RBKS: variants seen among roughly 807,000 people sequenced by gnomAD.
The protein encoded by RBKS is ribokinase.
Under a neutral mutation model 33.9 loss-of-function variants are expected in RBKS, and 33 were observed. That is an observed-to-expected ratio of 0.97 (90% CI 0.74 to 1.30). The LOEUF (loss-of-function observed/expected upper bound fraction) is 1.30, where lower values mean the gene tolerates loss of function less well. Ranked by LOEUF, RBKS falls within the 50% of genes most tolerant of loss-of-function variation. The pLI is 0.00. For synonymous variants in RBKS, 125 were observed against 143.0 expected (o/e 0.87, Z 0.90); for missense variants, 361 against 392.6 (o/e 0.92, Z 0.68).
At chr2:27,851,114 G>A (rs1663737353) in intron 2 of RBKS, among the ~76,000 whole-genome samples, 1 of 152,174 alleles carries the variant, frequency 6.6e-6, no homozygotes, top group Admixed American at 6.5e-5. Context: ...AATGGACTAT[G>A]TCTCAATCCA....
chr2:27,799,597 A>C (rs1677733614), intron 7 of RBKS, among the ~76,000 whole-genome samples: 1 of 152,268 alleles, frequency 6.6e-6, no homozygotes, highest in Non-Finnish European at 1.5e-5. Context: ...ATCATAAGTC[A>C]ATGCATTATT....
chr2:27,868,509 A>G (rs1009659685), intron 1 of RBKS, among the ~76,000 whole-genome samples: 6 of 152,208 alleles, frequency 3.9e-5, no homozygotes, highest in Non-Finnish European at 7.3e-5. Context: ...GTATTCTTTC[A>G]ATTTTGACTA....
chr2:27,784,275 G>A (rs377386738), intron 7 of RBKS, among the ~76,000 whole-genome samples: 4 of 150,712 alleles, frequency 2.7e-5, no homozygotes, highest in Non-Finnish European at 5.9e-5. Context: ...GAGCCACCGC[G>A]CCCGGCCTCT....
chr2:27,886,655 C>T (rs1317860531), intron 1 of RBKS, among the ~76,000 whole-genome samples: 2 of 152,028 alleles, frequency 1.3e-5, no homozygotes, highest in Non-Finnish European at 2.9e-5. Flanking sequence ...AGGAGGATCG[C>T]TTGAGCCCAG....
chr2:27,815,233 G>A (rs945705254), intron 7 of RBKS, among the ~76,000 whole-genome samples: 1 of 151,808 alleles, frequency 6.6e-6, no homozygotes, highest in Non-Finnish European at 1.5e-5. Context: ...TTTGAGACAG[G>A]GTCTCACTCT....
intron 7 of RBKS, among the ~76,000 whole-genome samples, chr2:27,824,063 A>G (rs1049806213): frequency 6.6e-6 from 1 of 152,126 alleles, no homozygotes; most frequent in Non-Finnish European, 1.5e-5. Flanking sequence ...TCCAGCAACC[A>G]TCAGTTGACT....
chr2:27,847,358 TC>T (rs552552297), intron 3 of RBKS, among the ~76,000 whole-genome samples: 2 of 152,252 alleles, frequency 1.3e-5, no homozygotes, highest in East Asian at 1.9e-4. Context: ...TACTTTCGAT[TC>T]CCCCCAATTA....
At chr2:27,884,441 TTTGCCATGTTGCCCAGGC>T (rs1365086517) in intron 1 of RBKS, among the ~76,000 whole-genome samples, 1 of 152,036 alleles carries the variant, frequency 6.6e-6, no homozygotes, top group East Asian at 1.9e-4. Flanking sequence ...GAGACCGGGT[TTTGCCATGTTGCCCAGGC>T]TAGTCTTAAC....
At chr2:27,833,745 C>T (rs1053060452) in intron 5 of RBKS, among the ~76,000 whole-genome samples, 1 of 152,122 alleles carries the variant, frequency 6.6e-6, no homozygotes, top group Non-Finnish European at 1.5e-5. Context: ...TTTGGGACTT[C>T]GTAAATGTAG....
chr2:27,864,992 A>C (rs921456263), intron 1 of RBKS, among the ~76,000 whole-genome samples: 6 of 152,208 alleles, frequency 3.9e-5, no homozygotes, highest in Admixed American at 2.6e-4. Flanking sequence ...GAATCTCTCC[A>C]CAGGTCTTTA....
intron 1 of RBKS, among the ~76,000 whole-genome samples, chr2:27,878,809 T>C (rs984537567): frequency 4.6e-5 from 7 of 152,172 alleles, no homozygotes; most frequent in Non-Finnish European, 8.8e-5. Flanking sequence ...TCATGTGTCT[T>C]TTGGCTGCAT....
chr2:27,793,139 AAAAT>A (rs1677569801), intron 7 of RBKS, among the ~76,000 whole-genome samples: 1 of 152,232 alleles, frequency 6.6e-6, no homozygotes, highest in Admixed American at 6.5e-5. Flanking sequence ...ATACTGATAT[AAAAT>A]AAATAAATAT....
intron 1 of RBKS, among the ~76,000 whole-genome samples, chr2:27,873,099 T>C (rs372189593): frequency 9.2e-5 from 14 of 152,216 alleles, no homozygotes; most frequent in East Asian, 5.8e-4. Context: ...GAACCTTCCC[T>C]GGTTCCTGCT....
At chr2:27,823,591 C>T (rs1335149070) in intron 7 of RBKS, among the ~76,000 whole-genome samples, 1 of 152,142 alleles carries the variant, frequency 6.6e-6, no homozygotes, top group African/African-American at 2.4e-5. Context: ...TCACTCGCCA[C>T]GTGAATTACC....
intron 3 of RBKS, among the ~76,000 whole-genome samples, chr2:27,847,596 A>G (rs571922685): frequency 1.3e-5 from 2 of 152,364 alleles, no homozygotes; most frequent in South Asian, 4.1e-4. Context: ...CTGAACTGGA[A>G]TCAGAAGATC....
chr2:27,848,155 T>C, intron 2 of RBKS, 58 bp from the exon 3 acceptor site: 1 of 995,986 alleles, frequency 1.0e-6, no homozygotes, highest in Non-Finnish European at 1.5e-6. Context: ...TGCTACAATG[T>C]AGTTTTTAGA....
chr2:27,852,039 G>A (rs954686691), intron 2 of RBKS, among the ~76,000 whole-genome samples: 1 of 152,178 alleles, frequency 6.6e-6, no homozygotes, highest in African/African-American at 2.4e-5. Context: ...CTTGTTCCAC[G>A]TGAAGGAAGC....
chr2:27,858,051 T>C (rs999416238), intron 2 of RBKS, among the ~76,000 whole-genome samples: 6 of 152,174 alleles, frequency 3.9e-5, no homozygotes, highest in Non-Finnish European at 8.8e-5. Flanking sequence ...GAAATACTGA[T>C]ATATGCTACA....
At chr2:27,858,706 A>G (rs543124047) in intron 1 of RBKS, 135 bp from the exon 2 acceptor site, 1 of 714,918 alleles carries the variant, frequency 1.4e-6, no homozygotes, top group South Asian at 2.0e-5. Context: ...AGAAGCAACG[A>G]AGATTATCTC....
Sources: allele counts gnomAD v4.1 joint callset (sites outside exome capture counted in the v4.1 genomes callset), GRCh38; gene constraint gnomAD v4.1.1; transcripts MANE v1.5; gene names NCBI Gene and HGNC (gene_info 2026-07-23, HGNC 2026-07-21).